Variants in PARPBP observed in about 807,000 individuals in gnomAD.
PARPBP encodes the protein PCNA-interacting partner.
PARPBP carries 52 observed loss-of-function variants against 50.0 expected under a neutral mutation model. That is an observed-to-expected ratio of 1.04 (90% CI 0.83 to 1.31). The LOEUF (loss-of-function observed/expected upper bound fraction) is 1.31, where lower values mean the gene tolerates loss of function less well. Ranked by LOEUF, PARPBP falls within the 50% of genes most tolerant of loss-of-function variation. The probability of loss-of-function intolerance (pLI) is 0.00; values close to 1 mark genes in which losing one functional copy is unlikely to be tolerated. For missense variants in PARPBP, 697 were observed against 672.0 expected, an observed-to-expected ratio of 1.04 and a Z score of -0.41; for synonymous variants, 244 against 232.1, an observed-to-expected ratio of 1.05 and a Z score of -0.47.
intron 4 of PARPBP, among the ~76,000 whole-genome samples, chr12:102,155,993 A>G (rs1005921306): frequency 6.6e-6 from 1 of 152,034 alleles, no homozygotes; most frequent in African/African-American, 2.4e-5. Context: ...TAATAGAGCT[A>G]TAACACTCAC....
chr12:102,154,249 G>A (rs559925645), intron 4 of PARPBP, among the ~76,000 whole-genome samples: 1 of 152,280 alleles, frequency 6.6e-6, no homozygotes, highest in African/African-American at 2.4e-5. Flanking sequence ...GTTTGTCAGA[G>A]TTCTTTGACT....
chr12:102,163,707 C>A (rs1179538571), intron 4 of PARPBP, among the ~76,000 whole-genome samples: 1 of 152,196 alleles, frequency 6.6e-6, no homozygotes, highest in African/African-American at 2.4e-5. Flanking sequence ...CTTCTACTCT[C>A]TCCAAGTTGC....
intron 4 of PARPBP, among the ~76,000 whole-genome samples, chr12:102,162,763 A>T (rs1887730372): frequency 1.3e-5 from 2 of 152,124 alleles, no homozygotes; most frequent in African/African-American, 2.4e-5. Context: ...TTGAGGTTAC[A>T]GTGTGCCCTG....
At position 102,152,776 on chromosome 12, in the gene PARPBP, TA is replaced by T. The variant is rs920731131; in HGVS notation, c.388-1083del. On this transcript the variant is annotated intron_variant, in intron 3 of 10. Transcript: ENST00000327680. ...TATTAAAAATCATTTTCATGACGAT[TA>T]AAAAAAAAAGGGTTCCCAACCCTTT... Among the ~76,000 whole-genome samples, 146 of 138,128 alleles carry T rather than the reference TA, an allele frequency of 1.1e-3. 1 individual carries two copies. The highest frequency in any genetic ancestry group is 3.3e-3 in the African/African-American group (107 of 32,490). 90.6% of individuals were successfully genotyped at this position (138,128 alleles called of 152,430 possible).
chr12:102,137,382 C>G (rs1189722795), intron 2 of PARPBP, among the ~76,000 whole-genome samples: 2 of 152,000 alleles, frequency 1.3e-5, no homozygotes, highest in African/African-American at 4.8e-5. Context: ...TTTTTCTCAA[C>G]TGTTAAAGTG....
intron 3 of PARPBP, among the ~76,000 whole-genome samples, chr12:102,151,218 A>G (rs1349283658): frequency 2.6e-5 from 4 of 152,192 alleles, no homozygotes; most frequent in Admixed American, 6.5e-5. Context: ...GCACCTCAAC[A>G]TAAAACTATG....
Position 102,197,214 on chromosome 12 carries a change from G to A in PARPBP, c.*923G>A. The A allele has an allele frequency of 7.2e-7, 1 of 1,383,422 alleles. No homozygotes were observed. The highest frequency in any genetic ancestry group is 1.2e-5 in the South Asian group (1 of 84,950). The allele number at this position is 1,383,422 out of a possible 1,614,324, so 85.7% of individuals were successfully genotyped here. On this transcript the variant is annotated 3_prime_UTR_variant, in exon 11 of 11. Transcript: ENST00000327680. ...ATTTGGTTTTTAGCTATCGTATTCG[G>A]AGTGGAACTATAATACAATTGTATA...
intron 2 of PARPBP, among the ~76,000 whole-genome samples, chr12:102,136,622 C>T (rs1271143145): frequency 2.0e-5 from 3 of 152,102 alleles, no homozygotes; most frequent in Non-Finnish European, 1.5e-5. Context: ...TGTGAAAGTT[C>T]AGACTCTGGG....
chr12:102,157,449 ATCT>A (rs1158953559), intron 4 of PARPBP, among the ~76,000 whole-genome samples: 1 of 150,368 alleles, frequency 6.7e-6, no homozygotes, highest in Non-Finnish European at 1.5e-5. Context: ...AATTCCCCTA[ATCT>A]TTTTTTTTTT....
chr12:102,164,766 G>T, intron 5 of PARPBP, 158 bp downstream of exon 5: 1 of 658,476 alleles, frequency 1.5e-6, no homozygotes, highest in Non-Finnish European at 2.7e-6. Context: ...TTACCATATC[G>T]TTCAAGTTTG....
At chr12:102,128,578 T>C (rs1316404317) in intron 2 of PARPBP, among the ~76,000 whole-genome samples, 1 of 152,140 alleles carries the variant, frequency 6.6e-6, no homozygotes, top group Admixed American at 6.5e-5. Flanking sequence ...GATTATGTGG[T>C]GTTTGTCTTT....
At position 102,178,632 on chromosome 12, in the gene PARPBP, G is replaced by T. The variant is rs148483056; in HGVS notation, c.1046G>T (p.Gly349Val). ...HAINHGTAYC[G>V]RDTVKALLVL... ...ATAAACCATGGTACTGCATACTGTG[G>T]CAGAGATACTGTGAAAGCCTTATTA... Residue 349 changes from glycine to valine, a missense_variant, in exon 8 of 11, where the codon GGC (glycine) becomes GTC (valine). Physicochemically the swap from Gly to Val is moderately radical, Grantham distance 109. Transcript: ENST00000327680. The T allele has an allele frequency of 4.3e-4, 701 of 1,613,138 alleles. No individual in the cohort carries two copies. Among genetic ancestry groups the T allele is most frequent in the Middle Eastern group, 3.5e-3 (21 of 6,058 alleles).
chr12:102,159,417 G>A (rs989551197), intron 4 of PARPBP, among the ~76,000 whole-genome samples: 2 of 152,136 alleles, frequency 1.3e-5, no homozygotes, highest in Non-Finnish European at 2.9e-5. Flanking sequence ...GTGAGCCACC[G>A]CACCCAGCTG....
rs1486031486 is a variant in PARPBP at position 102,148,339 on chromosome 12, A to G, written c.263A>G (p.Tyr88Cys). The G allele has an allele frequency of 6.3e-7, 1 of 1,591,544 alleles. No homozygotes were observed. Among genetic ancestry groups the G allele is most frequent in the South Asian group, 1.1e-5 (1 of 90,584 alleles). ...PVENMDVTDHYEDVRKIYDDF... is the reference protein window; with the variant it reads ...PVENMDVTDHCEDVRKIYDDF... ...GAAAACATGGACGTGACTGACCATT[A>G]TGAGGACGTTAGGAAGATTTATGAT... The change falls in exon 3 of 11, where the codon TAT becomes TGT. Residue 88 changes from tyrosine (Y) to cysteine (C), a missense_variant. Transcript: ENST00000327680.
At chr12:102,143,911 G>GATGT (rs1214878338) in intron 2 of PARPBP, among the ~76,000 whole-genome samples, 13 of 152,120 alleles carry the variant, frequency 8.5e-5, no homozygotes, top group Non-Finnish European at 1.5e-4. Flanking sequence ...ATTTGAAAAT[G>GATGT]ATGTAACTGT....
At position 102,197,472 on chromosome 12, in the gene PARPBP, A is replaced by T. The variant is rs373008967; in HGVS notation, c.*1181A>T. The T allele has an allele frequency of 2.4e-5, 36 of 1,502,606 alleles. No individual in the cohort carries two copies. Among genetic ancestry groups the T allele is most frequent in the Non-Finnish European group, 3.2e-5 (36 of 1,112,414 alleles). 93.1% of individuals were successfully genotyped at this position (1,502,606 alleles called of 1,614,324 possible). ...TTTTACTTTTCAGAGGATTTGTAAG[A>T]ATCATTTAAATTTTCATTGAAATAA... On this transcript the variant is annotated 3_prime_UTR_variant, in exon 11 of 11. Coordinates refer to ENST00000327680, the MANE Select transcript of PARPBP (RefSeq NM_017915.5).
intron 3 of PARPBP, among the ~76,000 whole-genome samples, chr12:102,151,289 G>A (rs954742196): frequency 3.3e-5 from 5 of 152,200 alleles, no homozygotes; most frequent in African/African-American, 1.2e-4. Flanking sequence ...GGGGTGCCGC[G>A]GGTGCTTCAT....
chr12:102,187,247 A>C (rs1489499752), intron 9 of PARPBP, among the ~76,000 whole-genome samples: 1 of 152,196 alleles, frequency 6.6e-6, no homozygotes, highest in African/African-American at 2.4e-5. Context: ...TGATTTGGCA[A>C]CTTTAGTTAG....
intron 6 of PARPBP, among the ~76,000 whole-genome samples, chr12:102,170,422 C>T (rs1888573630): frequency 6.6e-6 from 1 of 152,194 alleles, no homozygotes; most frequent in South Asian, 2.1e-4. Context: ...TGCTAGGCTA[C>T]AAACCTGTAT....
Sources: gnomAD v4.1 joint callset for allele counts (sites outside exome capture counted in the v4.1 genomes callset) on GRCh38, gnomAD v4.1.1 for gene constraint, MANE v1.5 for transcripts, NCBI Gene and HGNC (gene_info 2026-07-23, HGNC 2026-07-21) for gene names.